Variants in CCDC81 observed in about 807,000 individuals in gnomAD.
CCDC81 encodes the protein coiled-coil domain containing 81.
In CCDC81, 79 loss-of-function variants were observed where a neutral mutation model predicts 83.7. The ratio of observed to expected loss-of-function variants is 0.94; its 90% CI spans 0.79 to 1.14. CCDC81 has a LOEUF of 1.14. Among genes scored for constraint, CCDC81 ranks in the 50% most tolerant of loss-of-function variants. CCDC81 has a pLI of 0.00. For synonymous variants in CCDC81, 252 were observed against 278.1 expected, an observed-to-expected ratio of 0.91 and a Z score of 0.93; for missense variants, 791 against 778.1, an observed-to-expected ratio of 1.02 and a Z score of -0.20.
chr11:86,416,596 C>A (rs1372082865), intron 13 of CCDC81, among the ~76,000 whole-genome samples: 1 of 152,184 alleles, frequency 6.6e-6, no homozygotes, highest in Non-Finnish European at 1.5e-5. Context: ...CCCCTCCTAA[C>A]CTTACTGGGA....
intron 3 of CCDC81, among the ~76,000 whole-genome samples, 175 bp from the exon 4 acceptor site, chr11:86,392,366 T>TA (rs1290584403): frequency 6.6e-6 from 1 of 152,224 alleles, no homozygotes; most frequent in Non-Finnish European, 1.5e-5. Context: ...AATATGTTAG[T>TA]AACTACTTAA....
chr11:86,414,282 T>C (rs1338049080), intron 11 of CCDC81: 2 of 153,276 alleles, frequency 1.3e-5, no homozygotes, highest in African/African-American at 4.8e-5. Context: ...TTGTCCTGTG[T>C]TCAGCACATT....
intron 5 of CCDC81, among the ~76,000 whole-genome samples, chr11:86,396,079 C>T (rs1269932966): frequency 1.3e-5 from 2 of 152,192 alleles, no homozygotes; most frequent in African/African-American, 4.8e-5. Context: ...CTTCTTCCTT[C>T]AGTTCAGCCC....
intron 3 of CCDC81, among the ~76,000 whole-genome samples, chr11:86,389,695 A>G (rs904623506): frequency 5.9e-5 from 9 of 152,222 alleles, no homozygotes; most frequent in Non-Finnish European, 2.9e-5. Context: ...CCAATTAGAC[A>G]TGAGATTTGG....
chr11:86,398,013 T>C (rs1036732616), intron 6 of CCDC81, among the ~76,000 whole-genome samples: 3 of 151,932 alleles, frequency 2.0e-5, no homozygotes, highest in Admixed American at 6.6e-5. Flanking sequence ...CCATGCCTGG[T>C]TAATTTCTTT....
At chr11:86,409,413 G>A (rs756210978) in intron 10 of CCDC81, 48 bp downstream of exon 10, 14 of 919,166 alleles carry the variant, frequency 1.5e-5, no homozygotes, top group Admixed American at 5.2e-5. Flanking sequence ...CCATCTGTGA[G>A]CCTTTGGATC....
Position 86,387,599 on chromosome 11 carries a change from G to A in CCDC81, c.225G>A (p.Gln75=). 6.2e-7 allele frequency: 1 copy of A among 1,612,804 alleles called. No homozygotes were observed. Among genetic ancestry groups the A allele is most frequent in the Non-Finnish European group, 8.5e-7 (1 of 1,178,890 alleles). Residue 75 remains glutamine (Q), a synonymous_variant, in exon 3 of 15, where the codon CAG becomes CAA. Transcript: ENST00000445632. ...EVGNNKFILI[Q]RPVFIMVEKL... ...GAAACAACAAATTTATCTTAATCCA[G>A]AGGCCTGTGTTTATCATGGTGGAGA...
At chr11:86,409,841 C>T (rs1948616385) in intron 10 of CCDC81, among the ~76,000 whole-genome samples, 1 of 152,144 alleles carries the variant, frequency 6.6e-6, no homozygotes. Context: ...GTGTCTATAG[C>T]CACACCACTC....
chr11:86,410,609 A>G (rs1948629282), intron 10 of CCDC81, among the ~76,000 whole-genome samples: 1 of 152,132 alleles, frequency 6.6e-6, no homozygotes, highest in Non-Finnish European at 1.5e-5. Context: ...TTTAGGCATG[A>G]TCTTTCTCTC....
intron 6 of CCDC81, among the ~76,000 whole-genome samples, chr11:86,399,337 T>C (rs367580524): frequency 9.8e-5 from 15 of 152,318 alleles, no homozygotes; most frequent in Admixed American, 4.6e-4. Flanking sequence ...CTTCTTTTTC[T>C]TTGAGGTGGG....
chr11:86,399,324 G>A (rs888505081), intron 6 of CCDC81, among the ~76,000 whole-genome samples: 5 of 152,032 alleles, frequency 3.3e-5, no homozygotes, highest in Admixed American at 6.6e-5. Context: ...ATCTATTCAT[G>A]TTCTTCTTTT....
At chr11:86,383,374 G>GTATAT (rs1333793531) in intron 1 of CCDC81, among the ~76,000 whole-genome samples, 13 of 152,076 alleles carry the variant, frequency 8.5e-5, no homozygotes, top group Non-Finnish European at 1.5e-4. Flanking sequence ...TCTGTTTTTT[G>GTATAT]ACATTAATGA....
chr11:86,377,421 G>A (rs142594673), intron 1 of CCDC81, among the ~76,000 whole-genome samples: 6 of 152,260 alleles, frequency 3.9e-5, no homozygotes, highest in Admixed American at 2.6e-4. Flanking sequence ...TCCCAAGAGC[G>A]ATGAATGAGA....
At chr11:86,422,492 A>G (rs1034453805) in intron 14 of CCDC81, 82 bp from the exon 15 acceptor site, 1 of 1,318,362 alleles carries the variant, frequency 7.6e-7, no homozygotes, top group Non-Finnish European at 1.1e-6. Context: ...TCTTTTGTGT[A>G]CCTCCTGCCA....
intron 5 of CCDC81, among the ~76,000 whole-genome samples, chr11:86,396,101 T>C (rs373797942): frequency 9.2e-5 from 14 of 152,312 alleles, no homozygotes; most frequent in Admixed American, 4.6e-4. Flanking sequence ...TTTCCTGTCC[T>C]TGCTCGGATT....
chr11:86,405,485 CT>C (rs1366888795), intron 7 of CCDC81, among the ~76,000 whole-genome samples: 2 of 152,084 alleles, frequency 1.3e-5, no homozygotes, highest in African/African-American at 4.8e-5. Flanking sequence ...CCTATCTTTA[CT>C]GTCTTATTTT....
chr11:86,408,935 G>A (rs983232446), intron 9 of CCDC81, among the ~76,000 whole-genome samples: 8 of 149,564 alleles, frequency 5.3e-5, no homozygotes, highest in African/African-American at 1.9e-4. Flanking sequence ...AGACAGAATG[G>A]CACTTTTACA....
chr11:86,390,662 G>T (rs925175271), intron 3 of CCDC81, among the ~76,000 whole-genome samples: 5 of 152,188 alleles, frequency 3.3e-5, no homozygotes, highest in Admixed American at 1.3e-4. Flanking sequence ...CATTTCAGAT[G>T]TAGAATTGTT....
At chr11:86,414,133 GAATA>G (rs1341704908) in intron 11 of CCDC81, among the ~76,000 whole-genome samples, 1 of 152,116 alleles carries the variant, frequency 6.6e-6, no homozygotes, top group African/African-American at 2.4e-5. Context: ...TTTATAGAAT[GAATA>G]GTCACTTCCT....
Sources: gnomAD v4.1 joint callset for allele counts (sites outside exome capture counted in the v4.1 genomes callset) on GRCh38, gnomAD v4.1.1 for gene constraint, MANE v1.5 for transcripts, NCBI Gene and HGNC (gene_info 2026-07-23, HGNC 2026-07-21) for gene names.